CRHR2: variants seen among roughly 807,000 people sequenced by gnomAD.
CRHR2 encodes the protein corticotropin releasing hormone receptor 2.
Under a neutral mutation model 57.9 loss-of-function variants are expected in CRHR2, and 53 were observed. The ratio of observed to expected loss-of-function variants is 0.92; its 90% CI spans 0.73 to 1.15. CRHR2 has a LOEUF of 1.15. Ranked by LOEUF, CRHR2 falls within the 50% of genes most tolerant of loss-of-function variation. The probability of loss-of-function intolerance (pLI) is 0.00; values close to 1 mark genes in which losing one functional copy is unlikely to be tolerated. For synonymous variants in CRHR2, 213 were observed against 220.9 expected (o/e 0.96, Z 0.32); for missense variants, 532 against 542.6 (o/e 0.98, Z 0.19).
chr7:30,690,896 G>A (rs1784949652), intron 1 of CRHR2, among the ~76,000 whole-genome samples: 1 of 152,246 alleles, frequency 6.6e-6, no homozygotes, highest in South Asian at 2.1e-4. Context: ...TGTGTGTTGT[G>A]TGTGTGTCTC....
In CRHR2 at chr7:30,652,840, C is replaced by G. The variant is rs968616453; in HGVS notation, c.*620G>C. 14 of 152,360 alleles carry G rather than the reference C, an allele frequency of 9.2e-5. No individual in the cohort carries two copies. Among genetic ancestry groups the G allele is most frequent in the African/African-American group, 3.4e-4 (14 of 41,452 alleles). 9.4% of individuals were successfully genotyped at this position (152,360 alleles called of 1,614,324 possible). ...GTGGACTAGGCAGAGAAGGGGTCTCCCAAGAGAGGAAGCCAGGCCTGGAAG... is the reference window on the plus strand; with the variant it reads ...GTGGACTAGGCAGAGAAGGGGTCTCGCAAGAGAGGAAGCCAGGCCTGGAAG... On this transcript the variant is annotated 3_prime_UTR_variant, in exon 12 of 12. Coordinates refer to ENST00000471646, the MANE Select transcript of CRHR2 (RefSeq NM_001883.5). The surrounding 1 kb of genome is among the most constrained non-coding windows in gnomAD (Gnocchi z 4.4).
rs374982371 is a variant in CRHR2, at chr7:30,660,621, G to A, written c.783C>T (p.Gly261=). 42 of 1,571,652 alleles carry A rather than the reference G, an allele frequency of 2.7e-5. No individual in the cohort carries two copies. Among genetic ancestry groups the A allele is most frequent in the African/African-American group, 1.2e-4 (9 of 74,140 alleles). ...CTTGGTAGATGTAGTCCACCAGGTC[G>A]CCAGGCTCCTTGCCAAACCAGCACC... ...NEQCWFGKEP[G]DLVDYIYQGP... The change falls in exon 8 of 12, where the codon GGC becomes GGT. Residue 261 remains glycine, a synonymous_variant. Coordinates refer to ENST00000471646, the MANE Select transcript of CRHR2 (RefSeq NM_001883.5).
At chr7:30,667,608 G>A (rs1352121032) in intron 2 of CRHR2, among the ~76,000 whole-genome samples, 1 of 152,232 alleles carries the variant, frequency 6.6e-6, no homozygotes, top group East Asian at 1.9e-4. Context: ...TGTGAGGAGT[G>A]GGTTGTGCCT....
chr7:30,687,705 C>T (rs1275575949), intron 2 of CRHR2, among the ~76,000 whole-genome samples: 1 of 152,214 alleles, frequency 6.6e-6, no homozygotes, highest in African/African-American at 2.4e-5. Flanking sequence ...CCGCTGCACT[C>T]AGAGCGGGGA....
At position 30,653,386 on chromosome 7, in the gene CRHR2, C is replaced by T. The variant is rs528785294; in HGVS notation, c.*74G>A. 1.8e-5 allele frequency: 28 copies of T among 1,554,034 alleles called. No homozygotes were observed. In the African/African-American group the frequency reaches 3.5e-4, roughly 20 times the overall value. On this transcript the variant is annotated 3_prime_UTR_variant, in exon 12 of 12. Transcript: ENST00000471646. This position sits in a 1 kb window ranked among gnomAD's most constrained non-coding sequence, Gnocchi z 5.0. ...CTCCCATCTCCTGCCCCACGAGAGC[C>T]TGCCCAGCACAGAGAACCCAGAGGA...
At chr7:30,668,606 A>C (rs1389650759) in intron 2 of CRHR2, among the ~76,000 whole-genome samples, 1 of 152,242 alleles carries the variant, frequency 6.6e-6, no homozygotes. Context: ...GTTACTTAAA[A>C]ACCCACTTCC....
chr7:30,655,500 A>AC, intron 10 of CRHR2, 80 bp downstream of exon 10: 4 of 1,509,192 alleles, frequency 2.7e-6, no homozygotes, highest in Non-Finnish European at 3.6e-6. Context: ...GTCCCACGGG[A>AC]CCCCCTTAGT....
At chr7:30,683,232 A>G (rs1412286438), upstream of CRHR2, among the ~76,000 whole-genome samples, 3 of 152,200 alleles carry the variant, frequency 2.0e-5, no homozygotes, top group East Asian at 5.8e-4. Context: ...TTATACACCC[A>G]GTTGTTAGTG....
At chr7:30,690,870 T>C (rs535579756) in intron 1 of CRHR2, among the ~76,000 whole-genome samples, 5 of 152,134 alleles carry the variant, frequency 3.3e-5, no homozygotes, top group South Asian at 2.1e-4. Context: ...GAGAGGGAAA[T>C]GCAGGGGAGC....
In CRHR2 at chr7:30,654,841, T is replaced by A. The variant is rs1248333271; in HGVS notation, c.1095+198A>T. 5.2e-6 allele frequency: 8 copies of A among 1,544,120 alleles called. No individual in the cohort carries two copies. In the Admixed American group the frequency reaches 1.6e-4, roughly 30 times the overall value. On this transcript the variant is annotated intron_variant, in intron 11 of 11. Coordinates refer to ENST00000471646, the MANE Select transcript of CRHR2 (RefSeq NM_001883.5). ...CACATGTGGGGTGCTGGCATGTTAT[T>A]TCGGGGCTGCATAGTTGACCTTCTA...
intron 2 of CRHR2, among the ~76,000 whole-genome samples, chr7:30,672,532 G>A (rs1181969883): frequency 1.3e-5 from 2 of 152,216 alleles, no homozygotes; most frequent in African/African-American, 4.8e-5. Context: ...AGTGGGCCAG[G>A]AGGACAGTCT....
intron 11 of CRHR2, 32 bp downstream of exon 11, chr7:30,655,007 T>A (rs749395156): frequency 6.2e-7 from 1 of 1,608,960 alleles, no homozygotes; most frequent in African/African-American, 1.3e-5. Context: ...GACCTGGATA[T>A]CCCAGGCCAC....
intron 2 of CRHR2, among the ~76,000 whole-genome samples, chr7:30,678,766 C>A (rs564836479): frequency 2.6e-5 from 4 of 152,298 alleles, no homozygotes; most frequent in Admixed American, 6.5e-5. Context: ...TGTGCCCAAC[C>A]TTTACCTTGC....
At chr7:30,661,054 G>C (rs1390386426) in intron 7 of CRHR2, among the ~76,000 whole-genome samples, 1 of 152,224 alleles carries the variant, frequency 6.6e-6, no homozygotes, top group Admixed American at 6.5e-5. Context: ...CGTGTGCCAG[G>C]CACTCACTCG....
At chr7:30,688,734 C>A (rs996292112) in intron 2 of CRHR2, 2 of 450,244 alleles carry the variant, frequency 4.4e-6, no homozygotes, top group African/African-American at 4.0e-5. Flanking sequence ...CAGTGGCTGG[C>A]CCTGACCCTG....
At position 30,665,780 on chromosome 7, in the gene CRHR2, G is replaced by C; in HGVS notation, c.316-141C>G. ...TGTCATTGCCGTGCCTGGCTCTTAG[G>C]GTTCGTTCCTGTTGGCCCTGGGTGG... On this transcript the variant is annotated intron_variant, in intron 3 of 11. Coordinates refer to ENST00000471646, the MANE Select transcript of CRHR2 (RefSeq NM_001883.5). This position sits in a 1 kb window ranked among gnomAD's most constrained non-coding sequence, Gnocchi z 4.5. 1 of 670,064 alleles carries C rather than the reference G, an allele frequency of 1.5e-6. No homozygotes were observed. Among genetic ancestry groups the C allele is most frequent in the South Asian group, 2.1e-5 (1 of 48,344 alleles). 41.5% of individuals were successfully genotyped at this position (670,064 alleles called of 1,614,324 possible).
rs558304167 is a variant in CRHR2, at chr7:30,666,756, T to C, written c.315+472A>G. ...AGTTCGGTGCCTCAGCAGCACTGAA[T>C]TGAATTCCAGAGCGAGAGCTGGAGC... On this transcript the variant is annotated intron_variant, in intron 3 of 11. Transcript: ENST00000471646. Among the ~76,000 whole-genome samples the C allele has an allele frequency of 4.6e-5, 7 of 152,188 alleles. No individual in the cohort carries two copies. In the East Asian group the frequency reaches 9.6e-4, roughly 21 times the overall value.
At chr7:30,671,962 G>A (rs2128144687) in intron 2 of CRHR2, among the ~76,000 whole-genome samples, 1 of 152,278 alleles carries the variant, frequency 6.6e-6, no homozygotes, top group South Asian at 2.1e-4. Context: ...CATTGAGGTG[G>A]GGAGGGCCAG....
chr7:30,698,518 C>T (rs1033654292), intron 1 of CRHR2, among the ~76,000 whole-genome samples: 1 of 152,198 alleles, frequency 6.6e-6, no homozygotes, highest in African/African-American at 2.4e-5. Context: ...CCCAAGATGT[C>T]TTGGGGGCAG....
Sources: allele counts gnomAD v4.1 joint callset (sites outside exome capture counted in the v4.1 genomes callset), GRCh38; gene constraint gnomAD v4.1.1; non-coding constraint Gnocchi (gnomAD v3.1); transcripts MANE v1.5; gene names NCBI Gene and HGNC (gene_info 2026-07-23, HGNC 2026-07-21).